Variants in GALNS observed in about 807,000 individuals in gnomAD.
GALNS encodes the protein galactosamine (N-acetyl)-6-sulfatase.
GALNS carries 65 observed loss-of-function variants against 65.9 expected under a neutral mutation model. The observed-to-expected ratio is 0.99, with a 90% confidence interval of 0.81 to 1.21. GALNS has a LOEUF of 1.21. GALNS is among the 50% of genes most tolerant of loss of function. The pLI is 0.00. For missense variants in GALNS, 776 were observed against 700.7 expected (o/e 1.11, Z -1.21); for synonymous variants, 346 against 288.9 (o/e 1.20, Z -2.00).
chr16:88,830,808 C>T (rs560573859), intron 9 of GALNS, among the ~76,000 whole-genome samples: 38 of 152,292 alleles, frequency 2.5e-4, no homozygotes, highest in South Asian at 1.5e-3. Context: ...AGACAGACAC[C>T]AACGGTCTCG....
At chr16:88,833,077 CAAAAAAAAAA>C (rs869226834) in intron 8 of GALNS, among the ~76,000 whole-genome samples, 5 of 74,652 alleles carry the variant, frequency 6.7e-5, no homozygotes, top group African/African-American at 2.7e-4. Context: ...GACTCCTTCT[CAAAAAAAAAA>C]AAAAAAAAAA....
chr16:88,836,375 G>A (rs575962328), intron 5 of GALNS, 108 bp from the exon 6 acceptor site: 17 of 899,362 alleles, frequency 1.9e-5, no homozygotes, highest in South Asian at 1.5e-4. Flanking sequence ...GAAGGCTAGG[G>A]CTGGGCGTCA....
chr16:88,830,996 C>T (rs1455608170), intron 9 of GALNS, among the ~76,000 whole-genome samples: 1 of 152,222 alleles, frequency 6.6e-6, no homozygotes, highest in African/African-American at 2.4e-5. Flanking sequence ...CTGATAAGTC[C>T]TGCAGGGAAG....
At chr16:88,828,005 A>G (rs1260479944) in intron 9 of GALNS, among the ~76,000 whole-genome samples, 4 of 152,222 alleles carry the variant, frequency 2.6e-5, no homozygotes, top group East Asian at 1.9e-4. Flanking sequence ...CTGGCCTCAC[A>G]GGGACACTCA....
chr16:88,842,936 C>A, intron 1 of GALNS, 107 bp from the exon 2 acceptor site: 1 of 1,543,050 alleles, frequency 6.5e-7, no homozygotes, highest in South Asian at 1.2e-5. Flanking sequence ...TGGAAGCCAG[C>A]ACCACCCTGT....
intron 9 of GALNS, among the ~76,000 whole-genome samples, chr16:88,828,696 A>C (rs1911176056): frequency 6.6e-6 from 1 of 152,256 alleles, no homozygotes; most frequent in Non-Finnish European, 1.5e-5. Context: ...CAAAACGCTG[A>C]AATTGGCATT....
intron 5 of GALNS, among the ~76,000 whole-genome samples, chr16:88,837,093 T>A (rs756088508): frequency 1.3e-5 from 2 of 152,008 alleles, no homozygotes; most frequent in East Asian, 1.9e-4. Context: ...CCAAGAAGAG[T>A]CAAGTTAAGC....
At chr16:88,815,645 C>T in intron 13 of GALNS, 8 of 985,498 alleles carry the variant, frequency 8.1e-6, no homozygotes, top group Non-Finnish European at 9.6e-6. Context: ...ACGTCAGACG[C>T]CGCATGGCCC....
intron 2 of GALNS, 74 bp downstream of exon 2, chr16:88,842,632 G>C (rs1213602184): frequency 6.4e-7 from 1 of 1,572,418 alleles, no homozygotes; most frequent in Non-Finnish European, 8.7e-7. Flanking sequence ...CCCAGAGTCA[G>C]GGCTGGAAGG....
At chr16:88,854,569 T>A (rs1967683951) in intron 1 of GALNS, among the ~76,000 whole-genome samples, 1 of 152,232 alleles carries the variant, frequency 6.6e-6, no homozygotes, top group African/African-American at 2.4e-5. Context: ...GGTCAGCATG[T>A]GCCCCTCCCC....
intron 11 of GALNS, among the ~76,000 whole-genome samples, chr16:88,824,252 T>G (rs1910562874): frequency 6.6e-6 from 1 of 152,016 alleles, no homozygotes; most frequent in Admixed American, 6.5e-5. Flanking sequence ...GCAGGAGGCT[T>G]GAGGCGAGGG....
Position 88,835,867 on chromosome 16 carries a change from C to A in GALNS, c.634-18G>T, listed in dbSNP as rs1336829378. 3 of 1,613,848 alleles carry A rather than the reference C, an allele frequency of 1.9e-6. No individual in the cohort carries two copies. Among genetic ancestry groups the A allele is most frequent in the Non-Finnish European group, 2.5e-6 (3 of 1,180,000 alleles). ...AGGGCTTCCTATGGAGAGAGCCACA[C>A]CGTCGTCCTCCAGCCTCAGGCCGAC... On this transcript the variant is annotated intron_variant, in intron 6 of 13. Transcript: ENST00000268695.
intron 12 of GALNS, among the ~76,000 whole-genome samples, chr16:88,821,730 A>G (rs1438919509): frequency 1.3e-5 from 2 of 151,982 alleles, no homozygotes; most frequent in Admixed American, 6.5e-5. Context: ...CCCTACTCAA[A>G]CCCAGGCCCA....
At chr16:88,823,281 C>G (rs1212684208) in intron 11 of GALNS, among the ~76,000 whole-genome samples, 1 of 152,196 alleles carries the variant, frequency 6.6e-6, no homozygotes, top group Non-Finnish European at 1.5e-5. Flanking sequence ...AGAGAAAACA[C>G]AGAAAACAAA....
chr16:88,816,050 T>C (rs975692305), intron 13 of GALNS: 2 of 985,010 alleles, frequency 2.0e-6, no homozygotes, highest in African/African-American at 3.5e-5. Context: ...TCTGTGCATC[T>C]CCCCCATGGC....
At chr16:88,826,584 G>T (rs987498523) in intron 10 of GALNS, 118 bp downstream of exon 10, 4 of 1,267,066 alleles carry the variant, frequency 3.2e-6, no homozygotes, top group Non-Finnish European at 4.4e-6. Flanking sequence ...CCCTGGGCAC[G>T]AGCACGCCTG....
At chr16:88,816,830 T>C in intron 13 of GALNS, 1 of 985,320 alleles carries the variant, frequency 1.0e-6, no homozygotes, top group Non-Finnish European at 1.2e-6. Flanking sequence ...GAGCCCAGGC[T>C]GAAGTCTGCA....
chr16:88,826,684 G>A lies in GALNS; in HGVS notation c.1139+18C>T, dbSNP rs1436106586. On this transcript the variant is annotated intron_variant, in intron 10 of 13. Transcript: ENST00000268695. ...TACTTGGATCGGGGGAAGGGGCCGG[G>A]GCAGGTCTAGCACCAACCTGTCCAT... The A allele has an allele frequency of 1.2e-6, 2 of 1,608,352 alleles. No homozygotes were observed. Among genetic ancestry groups the A allele is most frequent in the South Asian group, 2.2e-5 (2 of 91,008 alleles).
intron 13 of GALNS, chr16:88,815,745 C>T: frequency 2.0e-6 from 2 of 985,464 alleles, no homozygotes; most frequent in Non-Finnish European, 2.4e-6. Context: ...AGCAGGGATG[C>T]CGCATGAGTG....
Sources: allele counts gnomAD v4.1 joint callset (sites outside exome capture counted in the v4.1 genomes callset), GRCh38; gene constraint gnomAD v4.1.1; transcripts MANE v1.5; gene names NCBI Gene and HGNC (gene_info 2026-07-23, HGNC 2026-07-21).